The following LSS variants were observed in gnomAD, a reference collection of about 807,000 sequenced individuals.
LSS encodes 2,3-epoxysqualene-lanosterol cyclase.
LSS carries 90 observed loss-of-function variants against 110.3 expected under a neutral mutation model. The ratio of observed to expected loss-of-function variants is 0.82; its 90% CI spans 0.69 to 0.97. The LOEUF is 0.97. Among genes scored for constraint, LSS ranks in the 50% least tolerant of loss-of-function variants. The pLI, the probability that LSS is intolerant of heterozygous loss-of-function variation, is 0.00. For synonymous variants in LSS, 433 were observed against 400.0 expected (o/e 1.08, Z -0.98); for missense variants, 927 against 990.0 (o/e 0.94, Z 0.85).
intron 11 of LSS, among the ~76,000 whole-genome samples, chr21:46,211,514 C>G (rs956529190): frequency 6.6e-6 from 1 of 152,166 alleles, no homozygotes; most frequent in Non-Finnish European, 1.5e-5. Context: ...TCACCCCGAG[C>G]TGGGCTCACA....
chr21:46,220,210 G>A (rs775890710), intron 5 of LSS: 1 of 152,356 alleles, frequency 6.6e-6, no homozygotes, highest in African/African-American at 2.4e-5. Context: ...GACCCACAAA[G>A]CTACTAGGCA....
intron 3 of LSS, 71 bp from the exon 4 acceptor site, chr21:46,222,809 C>T (rs1333257114): frequency 4.4e-6 from 5 of 1,131,412 alleles, no homozygotes; most frequent in Middle Eastern, 2.0e-4. Flanking sequence ...CCCCTTTCCT[C>T]CTGAGCACCT....
chr21:46,205,907 G>C lies in LSS; in HGVS notation c.1599C>G (p.Cys533Trp). Residue 533 changes from cysteine to tryptophan, a missense_variant, in exon 17 of 22, where the codon TGC (cysteine) becomes TGG (tryptophan). Physicochemically the swap from Cys to Trp is radical, Grantham distance 215. Transcript: ENST00000397728. ...TAAGCGCCTGCATCACGGCTGAGGTGCACTCCACATAGGTGTAGTCAATCA... is the reference window on the plus strand; with the variant it reads ...TAAGCGCCTGCATCACGGCTGAGGTCCACTCCACATAGGTGTAGTCAATCA... ...DIMIDYTYVE[C>W]TSAVMQALKY... 1.2e-6 allele frequency: 2 copies of C among 1,611,232 alleles called. No homozygotes were observed. Among genetic ancestry groups the C allele is most frequent in the Non-Finnish European group, 1.7e-6 (2 of 1,178,820 alleles).
chr21:46,202,126 G>A (rs1295712124), intron 17 of LSS, among the ~76,000 whole-genome samples: 3 of 138,622 alleles, frequency 2.2e-5, no homozygotes, highest in Non-Finnish European at 4.7e-5. Context: ...CGGGCGCGGT[G>A]GCTCACGCCT....
At position 46,188,795 on chromosome 21, in the gene LSS, T is replaced by G. The variant is rs993562721; in HGVS notation, c.*2309A>C. 2.1e-6 allele frequency: 1 copy of G among 471,008 alleles called. No homozygotes were observed. The highest frequency in any genetic ancestry group is 2.0e-5 in the African/African-American group (1 of 50,064). The allele number at this position is 471,008 out of a possible 1,614,324, so 29.2% of individuals were successfully genotyped here. On this transcript the variant is annotated 3_prime_UTR_variant, in exon 22 of 22. Coordinates refer to ENST00000397728, the MANE Select transcript of LSS (RefSeq NM_002340.6). ...TAATAACACCGAAGAGGGCAGGGAA[T>G]CGCTGCGTCCTGTGACTTGAAGGCC...
At chr21:46,204,646 A>C (rs530226480) in intron 17 of LSS, among the ~76,000 whole-genome samples, 2 of 152,218 alleles carry the variant, frequency 1.3e-5, no homozygotes, top group East Asian at 3.9e-4. Context: ...AGAAAGAAAG[A>C]AAGAAAGAAA....
chr21:46,195,829 G>C (rs2079902470), intron 18 of LSS, 73 bp from the exon 19 acceptor site: 2 of 1,278,088 alleles, frequency 1.6e-6, no homozygotes, highest in Non-Finnish European at 2.3e-6. Flanking sequence ...CACGCATTCT[G>C]CAACAATCAC....
intron 5 of LSS, chr21:46,220,592 T>C (rs2080263907): frequency 6.4e-6 from 1 of 155,636 alleles, no homozygotes; most frequent in South Asian, 1.8e-4. Context: ...CAGGTGGGAC[T>C]GGCTACGGAA....
chr21:46,215,103 C>T, intron 9 of LSS, 77 bp downstream of exon 9: 1 of 1,252,396 alleles, frequency 8.0e-7, no homozygotes, highest in Non-Finnish European at 1.1e-6. Context: ...TCCCAGCTCA[C>T]AGCCCGGCCT....
chr21:46,189,587 G>C lies in LSS; in HGVS notation c.*1517C>G, dbSNP rs903027984. ...CAGAGGGTGCGGCACCTGGGTGAGA[G>C]CCCTGGACTGCACACCAAGGCAGAG... On this transcript the variant is annotated 3_prime_UTR_variant, in exon 22 of 22. Transcript: ENST00000397728. The C allele has an allele frequency of 2.2e-6, 1 of 447,466 alleles. No individual in the cohort carries two copies. Among genetic ancestry groups the C allele is most frequent in the African/African-American group, 2.0e-5 (1 of 49,948 alleles). 27.7% of individuals were successfully genotyped at this position (447,466 alleles called of 1,614,324 possible). A position where few individuals can be genotyped will look rare whatever the true frequency, so the allele number is the denominator to read the frequency against.
At position 46,216,386 on chromosome 21, in the gene LSS, T is replaced by C. The variant is rs2080207105; in HGVS notation, c.783+3A>G. ...TTCACTTTGTTCCCTGATGAGGTCC[T>C]ACCTGGCGGAGGCTCTGGACCAGCG... is the stretch of plus-strand genomic sequence containing the variant. On this transcript the variant is annotated splice_donor_region_variant and intron_variant, in intron 7 of 21. Coordinates refer to ENST00000397728, the MANE Select transcript of LSS (RefSeq NM_002340.6). This position sits in a 1 kb window ranked among gnomAD's most constrained non-coding sequence, Gnocchi z 4.2. 1 of 1,613,614 alleles carries C rather than the reference T, an allele frequency of 6.2e-7. No homozygotes were observed. The highest frequency in any genetic ancestry group is 8.5e-7 in the Non-Finnish European group (1 of 1,180,012).
At chr21:46,211,660 G>C (rs2080136356) in intron 11 of LSS, among the ~76,000 whole-genome samples, 1 of 152,180 alleles carries the variant, frequency 6.6e-6, no homozygotes, top group African/African-American at 2.4e-5. Flanking sequence ...GTGCACTGGA[G>C]GGACAAGGCA....
intron 5 of LSS, among the ~76,000 whole-genome samples, chr21:46,220,737 G>A: frequency 7.3e-6 from 1 of 136,546 alleles, no homozygotes; most frequent in Admixed American, 6.9e-5. Flanking sequence ...GGCAAGAGGA[G>A]AGGTAGCCAG....
chr21:46,220,329 A>G (rs931619505), intron 5 of LSS: 1 of 152,298 alleles, frequency 6.6e-6, no homozygotes, highest in African/African-American at 2.4e-5. Context: ...CTGACAGTGA[A>G]CTGAGGACAA....
At chr21:46,196,309 G>A in intron 17 of LSS, 42 bp from the exon 18 acceptor site, 1 of 1,494,678 alleles carries the variant, frequency 6.7e-7, no homozygotes, top group South Asian at 1.1e-5. Context: ...TGGTAAAACA[G>A]CAGTTTACCT....
chr21:46,227,505 G>A, intron 3 of LSS, 47 bp downstream of exon 3: 2 of 1,609,522 alleles, frequency 1.2e-6, no homozygotes, highest in Non-Finnish European at 1.7e-6. Flanking sequence ...GATCCCAAGG[G>A]TGATCCAGGG....
rs1340050703 is a variant in LSS, at chr21:46,189,613, G to A, written c.*1491C>T. On this transcript the variant is annotated 3_prime_UTR_variant, in exon 22 of 22. Transcript: ENST00000397728. ...CCCTGGACTGCACACCAAGGCAGAG[G>A]GGTGCCCCTGAAGGACTCTGGGCAG... The A allele has an allele frequency of 3.3e-5, 15 of 454,314 alleles. No individual in the cohort carries two copies. Among genetic ancestry groups the A allele is most frequent in the Middle Eastern group, 4.2e-4 (1 of 2,366 alleles). 28.1% of individuals were successfully genotyped at this position (454,314 alleles called of 1,614,324 possible).
At chr21:46,207,287 C>T (rs2080062952) in intron 15 of LSS, 141 bp downstream of exon 15, 1 of 1,041,330 alleles carries the variant, frequency 9.6e-7, no homozygotes, top group African/African-American at 1.6e-5. Context: ...CAGTTCTCCA[C>T]ATATAGACAC....
chr21:46,215,541 G>T, intron 8 of LSS, 144 bp downstream of exon 8: 2 of 638,432 alleles, frequency 3.1e-6, no homozygotes, highest in South Asian at 1.9e-5. Context: ...GGGTGGAGGG[G>T]CAGGGCGATG....
Sources: gnomAD v4.1 joint callset for allele counts (sites outside exome capture counted in the v4.1 genomes callset) on GRCh38, gnomAD v4.1.1 for gene constraint, Gnocchi (gnomAD v3.1) non-coding constraint, MANE v1.5 for transcripts, NCBI Gene and HGNC (gene_info 2026-07-23, HGNC 2026-07-21) for gene names.